ZNF423: variants seen among roughly 807,000 people sequenced by gnomAD.
The protein encoded by ZNF423 is Ebf-associated zinc finger protein.
In ZNF423, 12 loss-of-function variants were observed where a neutral mutation model predicts 95.8. The ratio of observed to expected loss-of-function variants is 0.13; its 90% CI spans 0.08 to 0.20. ZNF423 has a LOEUF of 0.20. Among genes scored for constraint, ZNF423 ranks in the 10% least tolerant of loss-of-function variants. The pLI is 1.00. For synonymous variants in ZNF423, 749 were observed against 711.9 expected, an observed-to-expected ratio of 1.05 and a Z score of -0.83; for missense variants, 1,316 against 1,737.1, an observed-to-expected ratio of 0.76 and a Z score of 4.31.
At chr16:49,747,904 C>T (rs186110549) in intron 2 of ZNF423, among the ~76,000 whole-genome samples, 2 of 152,354 alleles carry the variant, frequency 1.3e-5, no homozygotes, top group East Asian at 3.9e-4. Flanking sequence ...CTCCTTCCCT[C>T]CCTCCGGTGT....
chr16:49,620,847 G>A (rs1972052256), intron 5 of ZNF423, among the ~76,000 whole-genome samples: 1 of 152,178 alleles, frequency 6.6e-6, no homozygotes, highest in South Asian at 2.1e-4. Flanking sequence ...CTTCCTGGGG[G>A]TCTCCAGACT....
intron 5 of ZNF423, among the ~76,000 whole-genome samples, chr16:49,616,302 A>T (rs939058096): frequency 5.3e-5 from 8 of 152,146 alleles, no homozygotes; most frequent in Non-Finnish European, 1.0e-4. Context: ...TAGAGTGCAG[A>T]GTGATGGTCA....
chr16:49,747,499 C>A lies in ZNF423; in HGVS notation c.101-16528G>T, dbSNP rs144304018. 3.7e-3 allele frequency among the ~76,000 whole-genome samples: 559 copies of A among 152,126 alleles called. 1 individual carries two copies. The highest frequency in any genetic ancestry group is 7.3e-3 in the Admixed American group (112 of 15,264). ...ATCTATAATTAAATATCACATATCTCCAGAAGCAAGGCATACAGGGAAGTG... is the reference window on the plus strand; with the variant it reads ...ATCTATAATTAAATATCACATATCTACAGAAGCAAGGCATACAGGGAAGTG... On this transcript the variant is annotated intron_variant, in intron 2 of 7. Coordinates refer to ENST00000563137, the MANE Select transcript of ZNF423 (RefSeq NM_001379286.1).
rs185345853 is a variant in ZNF423, at chr16:49,603,555, G to A, written c.3601+22615C>T. On this transcript the variant is annotated intron_variant, in intron 5 of 7. Coordinates refer to ENST00000563137, the MANE Select transcript of ZNF423 (RefSeq NM_001379286.1). The surrounding 1 kb of genome is among the most constrained non-coding windows in gnomAD (Gnocchi z 4.1). ...CTCCAGAGTAGCTGGGATTACAGGC[G>A]CCCGCCACCACGCCCAGCTAATTTT... is the stretch of plus-strand genomic sequence containing the variant. Among the ~76,000 whole-genome samples the A allele has an allele frequency of 2.0e-5, 3 of 152,130 alleles. No homozygotes were observed. The highest frequency in any genetic ancestry group is 1.9e-4 in the East Asian group (1 of 5,152).
intron 7 of ZNF423, 29 bp downstream of exon 7, chr16:49,523,595 G>A (rs375926615): frequency 1.5e-5 from 24 of 1,584,852 alleles, no homozygotes; most frequent in African/African-American, 8.1e-5. Context: ...ACCATCAGGC[G>A]GCGTGGTGCA....
chr16:49,777,182 T>C (rs1431165286), intron 2 of ZNF423, among the ~76,000 whole-genome samples: 1 of 152,172 alleles, frequency 6.6e-6, no homozygotes, highest in African/African-American at 2.4e-5. Flanking sequence ...GTGTGTAGTA[T>C]GGAGGAACAT....
chr16:49,776,684 G>A (rs144653356), intron 2 of ZNF423, among the ~76,000 whole-genome samples: 13 of 152,340 alleles, frequency 8.5e-5, no homozygotes, highest in East Asian at 7.7e-4. Flanking sequence ...GCCACAGCAG[G>A]CCAGGCAGGC....
intron 1 of ZNF423, among the ~76,000 whole-genome samples, chr16:49,845,545 GTTTGT>G (rs1019222156): frequency 6.7e-6 from 1 of 149,922 alleles, no homozygotes; most frequent in African/African-American, 2.5e-5. Context: ...TTTTGTTTTG[GTTTGT>G]TTTGTTTTGA....
intron 5 of ZNF423, among the ~76,000 whole-genome samples, chr16:49,559,855 C>G (rs925122638): frequency 1.4e-4 from 21 of 152,142 alleles, no homozygotes; most frequent in African/African-American, 5.1e-4. Flanking sequence ...GTCAAGAAAG[C>G]CCACAGATGT....
At chr16:49,617,496 G>A (rs750186581) in intron 5 of ZNF423, among the ~76,000 whole-genome samples, 1 of 152,182 alleles carries the variant, frequency 6.6e-6, no homozygotes, top group Non-Finnish European at 1.5e-5. Context: ...ACAGCAAGAA[G>A]AGAAGAACAT....
At chr16:49,589,451 G>C (rs959287764) in intron 5 of ZNF423, among the ~76,000 whole-genome samples, 1 of 152,158 alleles carries the variant, frequency 6.6e-6, no homozygotes, top group Non-Finnish European at 1.5e-5. Context: ...TTAGTGTCTA[G>C]CTGTGTGCAT....
At chr16:49,823,172 G>A (rs2034966303) in intron 1 of ZNF423, among the ~76,000 whole-genome samples, 1 of 152,210 alleles carries the variant, frequency 6.6e-6, no homozygotes, top group Non-Finnish European at 1.5e-5. Context: ...CCAGCCCTTG[G>A]ATGGAAACTC....
At chr16:49,527,135 C>T (rs893523195) in intron 5 of ZNF423, among the ~76,000 whole-genome samples, 5 of 152,106 alleles carry the variant, frequency 3.3e-5, no homozygotes, top group Admixed American at 3.3e-4. Flanking sequence ...GCCCAGCCAT[C>T]CCCCGCACCC....
At chr16:49,848,526 G>A (rs777568159) in intron 1 of ZNF423, among the ~76,000 whole-genome samples, 7 of 151,942 alleles carry the variant, frequency 4.6e-5, no homozygotes, top group East Asian at 1.9e-4. Flanking sequence ...TCTCTCTCCC[G>A]GCCCCTGGTC....
At chr16:49,758,195 G>T (rs569927296) in intron 2 of ZNF423, among the ~76,000 whole-genome samples, 3 of 152,340 alleles carry the variant, frequency 2.0e-5, no homozygotes, top group East Asian at 3.9e-4. Context: ...CTGGAGTGCA[G>T]TGGCATGATC....
At chr16:49,782,046 G>A (rs2034221078) in intron 2 of ZNF423, among the ~76,000 whole-genome samples, 1 of 152,222 alleles carries the variant, frequency 6.6e-6, no homozygotes, top group South Asian at 2.1e-4. Flanking sequence ...TGTTTTCCAG[G>A]CCTGGCTTTG....
chr16:49,541,889 C>T (rs1005275529), intron 5 of ZNF423, among the ~76,000 whole-genome samples: 3 of 152,254 alleles, frequency 2.0e-5, no homozygotes, highest in African/African-American at 7.2e-5. Flanking sequence ...GAGGCCTCCC[C>T]AGCCCTGCGG....
chr16:49,769,369 AAAAAG>A (rs765910941), intron 2 of ZNF423, among the ~76,000 whole-genome samples: 6 of 81,850 alleles, frequency 7.3e-5, no homozygotes, highest in Admixed American at 1.4e-4. Flanking sequence ...AAAAAAAGAA[AAAAAG>A]AAAAGAAAAA....
chr16:49,534,564 C>G (rs993258612), intron 5 of ZNF423, among the ~76,000 whole-genome samples: 1 of 152,180 alleles, frequency 6.6e-6, no homozygotes, highest in Non-Finnish European at 1.5e-5. Context: ...GCCATTGTCA[C>G]TTCTGACATG....
Sources: gnomAD v4.1 joint callset for allele counts (sites outside exome capture counted in the v4.1 genomes callset) on GRCh38, gnomAD v4.1.1 for gene constraint, Gnocchi (gnomAD v3.1) non-coding constraint, MANE v1.5 for transcripts, NCBI Gene and HGNC (gene_info 2026-07-23, HGNC 2026-07-21) for gene names.